Variants in MYO3B observed in about 807,000 individuals in gnomAD.
MYO3B encodes the protein myosin-IIIb.
Under a neutral mutation model 174.6 loss-of-function variants are expected in MYO3B, and 156 were observed. That is an observed-to-expected ratio of 0.89 (90% confidence interval 0.78 to 1.02). MYO3B has a LOEUF of 1.02. Among genes scored for constraint, MYO3B ranks in the 50% least tolerant of loss-of-function variants. The pLI is 0.00. For missense variants in MYO3B, 1,632 were observed against 1,639.4 expected (o/e 1.00, Z 0.08); for synonymous variants, 563 against 569.1 (o/e 0.99, Z 0.15).
rs1474130228 is a variant in MYO3B at position 170,466,616 on chromosome 2, G to A, written c.2919G>A (p.Val973=). The A allele has an allele frequency of 6.2e-7, 1 of 1,614,240 alleles. No homozygotes were observed. Among genetic ancestry groups the A allele is most frequent in the Non-Finnish European group, 8.5e-7 (1 of 1,180,046 alleles). ...REALQFSRER[V]LAQLRSTGIL... ...CCCTGCAGTTCTCTCGAGAGAGGGTGCTGGCCCAGCTCCGCTCCACAGGGA... is the reference window on the plus strand; with the variant it reads ...CCCTGCAGTTCTCTCGAGAGAGGGTACTGGCCCAGCTCCGCTCCACAGGGA... Residue 973 remains valine (V), a synonymous_variant, in exon 25 of 35, where the codon GTG becomes GTA. Transcript: ENST00000408978.
chr2:170,563,119 TACAC>T (rs56807707), intron 32 of MYO3B, among the ~76,000 whole-genome samples: 2,079 of 110,396 alleles, frequency 0.019, 25 homozygotes, highest in African/African-American at 0.036. Flanking sequence ...CTCTCACACA[TACAC>T]ACACACACAC....
chr2:170,380,764 A>G (rs1195643123), intron 9 of MYO3B, among the ~76,000 whole-genome samples: 3 of 152,226 alleles, frequency 2.0e-5, no homozygotes, highest in Non-Finnish European at 4.4e-5. Flanking sequence ...TAAAGTTTTA[A>G]GTGTTGCATT....
intron 32 of MYO3B, among the ~76,000 whole-genome samples, chr2:170,580,718 ATGTGTGTGTGTGTGTG>A (rs59092368): frequency 2.8e-5 from 4 of 142,776 alleles, no homozygotes; most frequent in South Asian, 4.5e-4. Flanking sequence ...AACCTTATAT[ATGTGTGTGTGTGTGTG>A]TGTGTGTGTG....
At chr2:170,516,719 C>T (rs1014327647) in intron 29 of MYO3B, among the ~76,000 whole-genome samples, 1 of 151,994 alleles carries the variant, frequency 6.6e-6, no homozygotes, top group Non-Finnish European at 1.5e-5. Context: ...TCTAGAACTC[C>T]ACTCCAAGTA....
chr2:170,409,174 G>A (rs945305828), intron 22 of MYO3B, among the ~76,000 whole-genome samples: 12 of 152,130 alleles, frequency 7.9e-5, no homozygotes, highest in African/African-American at 2.9e-4. Flanking sequence ...TCACAACTTC[G>A]GAATTTCCGA....
chr2:170,471,137 G>A (rs186975889), intron 25 of MYO3B, among the ~76,000 whole-genome samples: 25 of 151,826 alleles, frequency 1.6e-4, no homozygotes, highest in Admixed American at 1.0e-3. Flanking sequence ...TGCAAACTCC[G>A]CCTCCCGGGT....
chr2:170,544,449 C>G (rs1690341396), intron 32 of MYO3B, among the ~76,000 whole-genome samples: 1 of 152,142 alleles, frequency 6.6e-6, no homozygotes, highest in East Asian at 1.9e-4. Context: ...AAATGTCTTG[C>G]TACAGAATAT....
chr2:170,547,862 C>G (rs1478860395), intron 32 of MYO3B, among the ~76,000 whole-genome samples: 2 of 152,038 alleles, frequency 1.3e-5, no homozygotes, highest in Non-Finnish European at 2.9e-5. Context: ...GGAGAAAATA[C>G]AGCAGCAAGG....
intron 8 of MYO3B, among the ~76,000 whole-genome samples, chr2:170,345,919 T>C (rs529683703): frequency 8.6e-5 from 13 of 151,986 alleles, no homozygotes; most frequent in South Asian, 4.2e-4. Flanking sequence ...CTGGAACAGA[T>C]CCTTCCCTAG....
chr2:170,506,941 T>C (rs146967413), intron 28 of MYO3B, among the ~76,000 whole-genome samples: 210 of 152,380 alleles, frequency 1.4e-3, no homozygotes, highest in African/African-American at 3.6e-3. Context: ...TCTGTGTCTC[T>C]ATTTGTAGTT....
intron 3 of MYO3B, among the ~76,000 whole-genome samples, chr2:170,207,318 T>C (rs2092723171): frequency 6.6e-6 from 1 of 152,154 alleles, no homozygotes; most frequent in Admixed American, 6.5e-5. Context: ...GAGGCTCCAG[T>C]TGCATGACCA....
chr2:170,544,204 T>G (rs1476664553), intron 32 of MYO3B, among the ~76,000 whole-genome samples: 3 of 152,246 alleles, frequency 2.0e-5, no homozygotes, highest in Non-Finnish European at 4.4e-5. Context: ...TCAAAGTCCA[T>G]GCTTTTCCAT....
chr2:170,493,889 C>G (rs1006518082), intron 25 of MYO3B, among the ~76,000 whole-genome samples: 21 of 152,134 alleles, frequency 1.4e-4, no homozygotes, highest in African/African-American at 5.1e-4. Flanking sequence ...AATCTTGCCA[C>G]CAACAGCCAT....
chr2:170,468,214 A>G (rs553004805), intron 25 of MYO3B, among the ~76,000 whole-genome samples: 3 of 152,318 alleles, frequency 2.0e-5, no homozygotes, highest in African/African-American at 4.8e-5. Flanking sequence ...CCTTGATGTT[A>G]TTCAACAAAT....
At chr2:170,326,422 T>C (rs373027631) in intron 7 of MYO3B, among the ~76,000 whole-genome samples, 3 of 152,194 alleles carry the variant, frequency 2.0e-5, no homozygotes, top group African/African-American at 7.2e-5. Context: ...AAAGGGTCGT[T>C]AGCCAGTCCT....
At chr2:170,467,597 G>T (rs1684722931) in intron 25 of MYO3B, among the ~76,000 whole-genome samples, 1 of 151,750 alleles carries the variant, frequency 6.6e-6, no homozygotes, top group African/African-American at 2.4e-5. Flanking sequence ...GAAATCCATT[G>T]TATGCCTGAC....
At chr2:170,227,411 A>G (rs2092963642) in intron 6 of MYO3B, among the ~76,000 whole-genome samples, 1 of 152,208 alleles carries the variant, frequency 6.6e-6, no homozygotes, top group East Asian at 1.9e-4. Flanking sequence ...TAGCCTCTCT[A>G]GTAGCTGGGA....
chr2:170,542,524 A>G lies in MYO3B; in HGVS notation c.3576-382A>G, dbSNP rs563380838. Among the ~76,000 whole-genome samples, 6 of 152,202 alleles carry G rather than the reference A, an allele frequency of 3.9e-5. No individual in the cohort carries two copies. In the South Asian group the frequency reaches 1.2e-3, roughly 32 times the overall value. ...CTTACTTGATTACGGAATCCATTTT[A>G]AGTTCTGTAACTGTGAATGTGATTC... On this transcript the variant is annotated intron_variant, in intron 30 of 34. Transcript: ENST00000408978.
chr2:170,232,111 C>T lies in MYO3B; in HGVS notation c.604-3880C>T, dbSNP rs58255481. On this transcript the variant is annotated intron_variant, in intron 6 of 34. Coordinates refer to ENST00000408978, the MANE Select transcript of MYO3B (RefSeq NM_138995.5). The stretch of plus-strand genomic sequence containing the variant: ...TCAGTCTCCTTTCTTAATGGAGCAT[C>T]CTAACAACTGATTCAGAGAGTTCTT... 1.3e-3 allele frequency among the ~76,000 whole-genome samples: 193 copies of T among 152,282 alleles called. 1 individual carries two copies. The highest frequency in any genetic ancestry group is 4.4e-3 in the African/African-American group (183 of 41,548).
Sources: allele counts gnomAD v4.1 joint callset (sites outside exome capture counted in the v4.1 genomes callset), GRCh38; gene constraint gnomAD v4.1.1; transcripts MANE v1.5; gene names NCBI Gene and HGNC (gene_info 2026-07-23, HGNC 2026-07-21).